CHN2: variants seen among roughly 807,000 people sequenced by gnomAD.
CHN2 encodes chimerin 2.
Under a neutral mutation model 56.3 loss-of-function variants are expected in CHN2, and 35 were observed. The observed-to-expected ratio is 0.62, with a 90% confidence interval of 0.47 to 0.82. The LOEUF (loss-of-function observed/expected upper bound fraction) is 0.82. Ranked by LOEUF, CHN2 falls within the 40% of genes least tolerant of loss-of-function variation. The pLI, the probability that CHN2 is intolerant of heterozygous loss-of-function variation, is 0.00. For synonymous variants in CHN2, 210 were observed against 212.8 expected, an observed-to-expected ratio of 0.99 and a Z score of 0.12; for missense variants, 491 against 580.5, an observed-to-expected ratio of 0.85 and a Z score of 1.58.
At chr7:29,437,672 C>T (rs960197356) in intron 6 of CHN2, among the ~76,000 whole-genome samples, 1 of 151,218 alleles carries the variant, frequency 6.6e-6, no homozygotes, top group Non-Finnish European at 1.5e-5. Flanking sequence ...CTTCTTCCTG[C>T]TAAGAGGCTT....
At chr7:29,266,306 A>G (rs1790140787) in intron 1 of CHN2, among the ~76,000 whole-genome samples, 1 of 152,206 alleles carries the variant, frequency 6.6e-6, no homozygotes, top group African/African-American at 2.4e-5. Context: ...TTCCGTCAAC[A>G]CCGACAAAGG....
At chr7:29,362,888 A>G (rs1243262331) in intron 2 of CHN2, among the ~76,000 whole-genome samples, 3 of 152,204 alleles carry the variant, frequency 2.0e-5, no homozygotes, top group African/African-American at 7.2e-5. Context: ...ATTGTGACCC[A>G]TGGGCCATTA....
chr7:29,294,856 C>A (rs1792989187), intron 1 of CHN2, among the ~76,000 whole-genome samples: 1 of 152,120 alleles, frequency 6.6e-6, no homozygotes, highest in Non-Finnish European at 1.5e-5. Flanking sequence ...CAAGGCCCAG[C>A]AAAAATGCAG....
At chr7:29,346,634 A>G (rs1161061001) in intron 1 of CHN2, among the ~76,000 whole-genome samples, 1 of 152,222 alleles carries the variant, frequency 6.6e-6, no homozygotes, top group Non-Finnish European at 1.5e-5. Flanking sequence ...TTCTTTAAAA[A>G]TAGGTCATCT....
chr7:29,177,181 A>T (rs542672971), intron 2 of CHN2, among the ~76,000 whole-genome samples: 2 of 152,258 alleles, frequency 1.3e-5, no homozygotes, highest in African/African-American at 4.8e-5. Context: ...AGATTGCTTA[A>T]AGTAATTTAT....
intron 1 of CHN2, among the ~76,000 whole-genome samples, chr7:29,290,237 C>G (rs879613126): frequency 6.6e-6 from 1 of 152,216 alleles, no homozygotes; most frequent in Non-Finnish European, 1.5e-5. Context: ...TACCTTTATT[C>G]CCTAACAACA....
intron 1 of CHN2, among the ~76,000 whole-genome samples, chr7:29,272,631 T>G (rs1270034308): frequency 2.6e-5 from 4 of 152,124 alleles, no homozygotes; most frequent in Non-Finnish European, 5.9e-5. Flanking sequence ...TTCAGATTTT[T>G]GGGGCTCAGG....
At chr7:29,195,629 A>AGAGAGAGAGAGAGAGAGAGAGT (rs869037854) in intron 1 of CHN2, among the ~76,000 whole-genome samples, 8 of 117,570 alleles carry the variant, frequency 6.8e-5, no homozygotes, top group African/African-American at 2.5e-4. Context: ...AGAGAGAGAG[A>AGAGAGAGAGAGAGAGAGAGAGT]GTGTGTGTGT....
chr7:29,403,931 T>A (rs557758276), intron 6 of CHN2, among the ~76,000 whole-genome samples: 133 of 152,348 alleles, frequency 8.7e-4, no homozygotes, highest in African/African-American at 3.0e-3. Flanking sequence ...CATTTAGTGT[T>A]AAACACATTT....
chr7:29,500,190 CAGGT>C lies in CHN2; in HGVS notation c.913+153_913+156del, dbSNP rs537219074. 1.2e-3 allele frequency: 616 copies of C among 497,450 alleles called. 4 individuals are homozygous for C. The highest frequency in any genetic ancestry group is 0.011 in the African/African-American group (577 of 51,400). The allele number at this position is 497,450 out of a possible 1,614,324, so 30.8% of individuals were successfully genotyped here. ...GCACACACACACTCTCTCTCTCTCA[CAGGT>C]AGACTCAATCCAACCAGCTATATCA... On this transcript the variant is annotated intron_variant, in intron 9 of 12. Transcript: ENST00000222792.
At chr7:29,344,104 A>C (rs1184364287) in intron 1 of CHN2, among the ~76,000 whole-genome samples, 1 of 152,134 alleles carries the variant, frequency 6.6e-6, no homozygotes, top group Non-Finnish European at 1.5e-5. Context: ...CTTGTCATCA[A>C]GGCCTGTAGA....
At chr7:29,342,448 A>G (rs191324795) in intron 1 of CHN2, among the ~76,000 whole-genome samples, 36 of 152,342 alleles carry the variant, frequency 2.4e-4, no homozygotes, top group African/African-American at 7.7e-4. Context: ...TTGGCTTGCC[A>G]GTAATAACAA....
intron 2 of CHN2, among the ~76,000 whole-genome samples, chr7:29,357,307 AAGTGAGGGG>A (rs1798386118): frequency 6.6e-6 from 1 of 152,172 alleles, no homozygotes; most frequent in South Asian, 2.1e-4. Flanking sequence ...AGCTCTCCAA[AAGTGAGGGG>A]AGTATGCCAT....
chr7:29,487,205 TG>T (rs1231766240), intron 7 of CHN2, among the ~76,000 whole-genome samples: 1 of 133,590 alleles, frequency 7.5e-6, no homozygotes. Flanking sequence ...GGGCTTGTTT[TG>T]TTTTTTTTTT....
At chr7:29,283,766 G>A (rs531879570) in intron 1 of CHN2, among the ~76,000 whole-genome samples, 5 of 151,708 alleles carry the variant, frequency 3.3e-5, no homozygotes, top group African/African-American at 1.2e-4. Context: ...CTAAAGGCAT[G>A]CACCACCATG....
At chr7:29,168,923 T>A (rs1014022888) in intron 2 of CHN2, among the ~76,000 whole-genome samples, 1 of 152,172 alleles carries the variant, frequency 6.6e-6, no homozygotes, top group African/African-American at 2.4e-5. Flanking sequence ...CTATTCGCCA[T>A]GTTTTAAGTA....
chr7:29,166,619 A>G (rs1795950217), intron 2 of CHN2, among the ~76,000 whole-genome samples: 1 of 152,038 alleles, frequency 6.6e-6, no homozygotes, highest in Admixed American at 6.5e-5. Flanking sequence ...GAATTTGTCC[A>G]TTTTATCTAA....
intron 2 of CHN2, among the ~76,000 whole-genome samples, chr7:29,168,414 A>T (rs935199483): frequency 1.3e-5 from 2 of 152,226 alleles, no homozygotes; most frequent in Non-Finnish European, 2.9e-5. Context: ...ACAAAATAGA[A>T]TATTCTAATA....
intron 3 of CHN2, among the ~76,000 whole-genome samples, chr7:29,368,298 G>A (rs1247867092): frequency 3.3e-5 from 5 of 151,952 alleles, no homozygotes; most frequent in Non-Finnish European, 5.9e-5. Context: ...GATTCTTTTA[G>A]CATTTTTTAT....
Sources: allele counts gnomAD v4.1 joint callset (sites outside exome capture counted in the v4.1 genomes callset), GRCh38; gene constraint gnomAD v4.1.1; transcripts MANE v1.5; gene names NCBI Gene and HGNC (gene_info 2026-07-23, HGNC 2026-07-21).